AZIN2: variants seen among roughly 807,000 people sequenced by gnomAD.
AZIN2 encodes ODC antizyme inhibitor-2.
Under a neutral mutation model 47.8 loss-of-function variants are expected in AZIN2, and 28 were observed. The ratio of observed to expected loss-of-function variants is 0.59; its 90% CI spans 0.43 to 0.80. The LOEUF (loss-of-function observed/expected upper bound fraction) is 0.80, where lower values mean the gene tolerates loss of function less well. AZIN2 is among the 30% of genes least tolerant of loss of function. The pLI is 0.00. For missense variants in AZIN2, 535 were observed against 582.5 expected (o/e 0.92, Z 0.84); for synonymous variants, 221 against 239.4 (o/e 0.92, Z 0.71).
At chr1:33,092,280 GC>G (rs1642638271) in intron 6 of AZIN2, 58 bp downstream of exon 6, 1 of 1,555,602 alleles carries the variant, frequency 6.4e-7, no homozygotes, top group Admixed American at 1.8e-5. Flanking sequence ...GCTGTGGGGA[GC>G]CTGGGCTGTG....
At chr1:33,151,655 C>T in the AZIN2 span, among the ~76,000 whole-genome samples, 1 of 152,122 alleles carries the variant, frequency 6.6e-6, no homozygotes, top group Non-Finnish European at 1.5e-5. Flanking sequence ...TTTCTAAGTC[C>T]CGGGACACCA....
the AZIN2 span, chr1:33,159,837 C>T: frequency 2.1e-5 from 34 of 1,613,570 alleles, no homozygotes; most frequent in Non-Finnish European, 2.5e-5. The surrounding 1 kb of genome is among the most constrained non-coding windows in gnomAD (Gnocchi z 4.2). Context: ...GCGTGCGGGC[C>T]GTGTCCGCCT....
chr1:33,147,511 A>G, the AZIN2 span: 2 of 1,613,356 alleles, frequency 1.2e-6, no homozygotes, highest in Non-Finnish European at 1.7e-6. This position sits in a 1 kb window ranked among gnomAD's most constrained non-coding sequence, Gnocchi z 8.1. Context: ...TGCCAGCCCG[A>G]TCACCCACTG....
intron 6 of AZIN2, among the ~76,000 whole-genome samples, chr1:33,092,847 C>A (rs7354928): frequency 6.6e-6 from 1 of 152,090 alleles, no homozygotes; most frequent in South Asian, 2.1e-4. Context: ...TACTGGACAC[C>A]CTTGGACTTC....
At chr1:33,126,771 C>G (rs1017138819), downstream of AZIN2, among the ~76,000 whole-genome samples, 1 of 152,044 alleles carries the variant, frequency 6.6e-6, no homozygotes, top group Non-Finnish European at 1.5e-5. Flanking sequence ...GTAGGATCGC[C>G]AAATAAAATA....
At chr1:33,146,079 G>A in the AZIN2 span, 1 of 350,342 alleles carries the variant, frequency 2.9e-6, no homozygotes, top group East Asian at 8.0e-5. Context: ...GCAGATGGGG[G>A]CAGCTTTCCT....
chr1:33,119,233 T>A (rs1162177893), intron 11 of AZIN2: 1 of 153,754 alleles, frequency 6.5e-6, no homozygotes, highest in Non-Finnish European at 1.4e-5. Context: ...GGCCAGTGTG[T>A]CCAGGAGTGG....
chr1:33,090,369 A>T (rs191234934), intron 5 of AZIN2, among the ~76,000 whole-genome samples: 103 of 152,324 alleles, frequency 6.8e-4, no homozygotes, highest in Middle Eastern at 3.4e-3. Flanking sequence ...ATTTGTTCAT[A>T]TCATTAATGC....
chr1:33,111,296 C>T (rs1424819314), intron 10 of AZIN2, among the ~76,000 whole-genome samples: 1 of 152,154 alleles, frequency 6.6e-6, no homozygotes, highest in Non-Finnish European at 1.5e-5. Flanking sequence ...AGTGTATCTT[C>T]ACAAAGTTAG....
chr1:33,142,578 T>C, the AZIN2 span: 1 of 152,236 alleles, frequency 6.6e-6, no homozygotes, highest in Non-Finnish European at 1.5e-5. Flanking sequence ...AGAGACTTGC[T>C]CAGGGTCACA....
the AZIN2 span, among the ~76,000 whole-genome samples, chr1:33,144,839 C>T: frequency 6.6e-6 from 1 of 152,190 alleles, no homozygotes; most frequent in African/African-American, 2.4e-5. Flanking sequence ...GGGTCAGAGC[C>T]AGCCCAGAGG....
chr1:33,084,875 C>T (rs761480851), intron 5 of AZIN2, among the ~76,000 whole-genome samples: 1 of 152,198 alleles, frequency 6.6e-6, no homozygotes, highest in African/African-American at 2.4e-5. Context: ...GCTGGGTTTA[C>T]AGCCGTGAGC....
At chr1:33,096,904 C>T (rs749350791) in intron 9 of AZIN2, 35 bp downstream of exon 9, 1 of 1,613,202 alleles carries the variant, frequency 6.2e-7, no homozygotes, top group East Asian at 2.2e-5. Context: ...CCCTGTTCTC[C>T]CCTGAAGCTT....
At chr1:33,162,602 C>CT in the AZIN2 span, among the ~76,000 whole-genome samples, 3 of 152,192 alleles carry the variant, frequency 2.0e-5, no homozygotes, top group Non-Finnish European at 4.4e-5. Context: ...AGAGTCTTGT[C>CT]TGAGATTGCT....
the AZIN2 span, chr1:33,160,047 T>G: frequency 2.0e-6 from 3 of 1,470,264 alleles, no homozygotes; most frequent in African/African-American, 1.4e-5. Flanking sequence ...GAGGAAAGGG[T>G]GGGAAAGGGC....
rs1641377731 is a variant in AZIN2, at chr1:33,082,407, C to T, written c.105+53C>T. On this transcript the variant is annotated intron_variant, in intron 4 of 11. Transcript: ENST00000294517. ...CCCGGTCCCCTGTACAGATCAGCTG[C>T]CTCCTCAGGAAGGGTCCCTAGGGCC... is the stretch of plus-strand genomic sequence containing the variant. 2.3e-5 allele frequency: 32 copies of T among 1,386,790 alleles called. No homozygotes were observed. The South Asian group carries it at 4.0e-4, about 17-fold the overall frequency. 85.9% of individuals were successfully genotyped at this position (1,386,790 alleles called of 1,614,324 possible). A position where few individuals can be genotyped will look rare whatever the true frequency, so the allele number is the denominator to read the frequency against.
chr1:33,123,788 G>A (rs1386037593), downstream of AZIN2, among the ~76,000 whole-genome samples: 1 of 152,326 alleles, frequency 6.6e-6, no homozygotes, highest in East Asian at 1.9e-4. Context: ...CACGAGGTCA[G>A]GAGTTTGAGA....
downstream of AZIN2, among the ~76,000 whole-genome samples, chr1:33,124,142 G>A (rs1644840157): frequency 6.6e-6 from 1 of 152,154 alleles, no homozygotes; most frequent in African/African-American, 2.4e-5. The surrounding 1 kb of genome is among the most constrained non-coding windows in gnomAD (Gnocchi z 4.6). Context: ...CTCCAGCCTA[G>A]GCGACAGGGC....
chr1:33,113,450 C>A lies in AZIN2; in HGVS notation c.1030-4452C>A, dbSNP rs1644377719. 6.6e-6 allele frequency among the ~76,000 whole-genome samples: 1 copy of A among 152,258 alleles called. No homozygotes were observed. Among genetic ancestry groups the A allele is most frequent in the Non-Finnish European group, 1.5e-5 (1 of 68,026 alleles). On this transcript the variant is annotated intron_variant, in intron 10 of 11. Transcript: ENST00000294517. This position sits in a 1 kb window ranked among gnomAD's most constrained non-coding sequence, Gnocchi z 4.1. ...GATTTCCTCTAGTAACCACACCCAC[C>A]CCCTTAAGATTTTCCAGGTGGGCAA...
Sources: gnomAD v4.1 joint callset for allele counts (sites outside exome capture counted in the v4.1 genomes callset) on GRCh38, gnomAD v4.1.1 for gene constraint, Gnocchi (gnomAD v3.1) non-coding constraint, MANE v1.5 for transcripts, NCBI Gene and HGNC (gene_info 2026-07-23, HGNC 2026-07-21) for gene names.